Variants in COP1 observed in about 807,000 individuals in gnomAD.
COP1 encodes the protein COP1 E3 ubiquitin ligase.
In COP1, 24 loss-of-function variants were observed where a neutral mutation model predicts 101.3. That is an observed-to-expected ratio of 0.24 (90% CI 0.17 to 0.33). COP1 has a LOEUF of 0.33. Among genes scored for constraint, COP1 ranks in the 10% least tolerant of loss-of-function variants. The pLI is 1.00. For missense variants in COP1, 663 were observed against 906.2 expected (o/e 0.73, Z 3.45); for synonymous variants, 347 against 341.9 (o/e 1.01, Z -0.17).
Position 176,137,394 on chromosome 1 carries a change from TGA to T in COP1, c.832-849_832-848del, listed in dbSNP as rs1689973602. On this transcript the variant is annotated intron_variant, in intron 6 of 19. Transcript: ENST00000367669. ...ATTAAAAGATTACTTCAGATTTTAT[TGA>T]GAGTATTAAAAATAAAATTATTCAA... Among the ~76,000 whole-genome samples, 6 of 152,286 alleles carry T rather than the reference TGA, an allele frequency of 3.9e-5. No individual in the cohort carries two copies. In the South Asian group the frequency reaches 1.2e-3, roughly 32 times the overall value.
At chr1:175,968,539 T>C (rs750947951) in intron 18 of COP1, 7 of 515,926 alleles carry the variant, frequency 1.4e-5, no homozygotes, top group South Asian at 8.5e-5. Context: ...GCAGCTTCCA[T>C]TTCTGGTGTG....
intron 15 of COP1, among the ~76,000 whole-genome samples, chr1:175,992,978 A>T (rs1047361475): frequency 6.6e-6 from 1 of 152,192 alleles, no homozygotes; most frequent in African/African-American, 2.4e-5. Flanking sequence ...AAGCAGCCTA[A>T]CTAGGAGGCA....
At chr1:175,952,398 G>A (rs1650057232) in intron 18 of COP1, among the ~76,000 whole-genome samples, 1 of 147,142 alleles carries the variant, frequency 6.8e-6, no homozygotes, top group South Asian at 2.3e-4. Flanking sequence ...CTCCATCCTG[G>A]GCGACAAGAG....
At chr1:176,167,394 G>A (rs1016853430) in intron 3 of COP1, among the ~76,000 whole-genome samples, 2 of 150,252 alleles carry the variant, frequency 1.3e-5, no homozygotes, top group African/African-American at 5.0e-5. Context: ...CATAGTAGGC[G>A]CCTGGTATTT....
intron 6 of COP1, among the ~76,000 whole-genome samples, chr1:176,147,300 A>G (rs1369032530): frequency 6.6e-6 from 1 of 152,224 alleles, no homozygotes. Flanking sequence ...AAAGCTTATT[A>G]TAATTACAAA....
At chr1:176,026,720 T>G (rs1445028742) in intron 15 of COP1, among the ~76,000 whole-genome samples, 1 of 152,124 alleles carries the variant, frequency 6.6e-6, no homozygotes, top group Admixed American at 6.5e-5. Flanking sequence ...TGCATTTCCT[T>G]TTTTTAAAAG....
intron 8 of COP1, among the ~76,000 whole-genome samples, chr1:176,124,579 A>G (rs1292519102): frequency 5.9e-5 from 9 of 152,068 alleles, no homozygotes; most frequent in Admixed American, 5.2e-4. Context: ...AGTTCTATCC[A>G]TGTTGTTGCA....
intron 4 of COP1, among the ~76,000 whole-genome samples, chr1:176,163,426 G>A (rs545817770): frequency 6.6e-6 from 1 of 152,234 alleles, no homozygotes; most frequent in East Asian, 1.9e-4. Flanking sequence ...TCGCTATGTT[G>A]CCCAAGCTAG....
Position 176,081,294 on chromosome 1 carries a change from G to GAAAAA in COP1, c.1142-12_1142-8dup. On this transcript the variant is annotated splice_region_variant and splice_polypyrimidine_tract_variant and intron_variant, in intron 10 of 19. Coordinates refer to ENST00000367669, the MANE Select transcript of COP1 (RefSeq NM_022457.7). ...CTTGCAGTTCGACTGTCATCTATAT[G>GAAAAA]AAAAAAAAAAAAAAAAGACAAAACA... 7.8e-7 allele frequency: 1 copy of GAAAAA among 1,283,230 alleles called. No homozygotes were observed. Among genetic ancestry groups the GAAAAA allele is most frequent in the Non-Finnish European group, 1.0e-6 (1 of 976,828 alleles). 79.5% of individuals were successfully genotyped at this position (1,283,230 alleles called of 1,614,324 possible). A position where few individuals can be genotyped will look rare whatever the true frequency, so the allele number is the denominator to read the frequency against.
chr1:176,179,768 A>T (rs1697487923), intron 2 of COP1, among the ~76,000 whole-genome samples: 1 of 152,182 alleles, frequency 6.6e-6, no homozygotes, highest in East Asian at 1.9e-4. Context: ...GTCAATATAC[A>T]AGAAATTATT....
intron 5 of COP1, among the ~76,000 whole-genome samples, chr1:176,161,063 T>C (rs1694239264): frequency 6.6e-6 from 1 of 152,196 alleles, no homozygotes; most frequent in African/African-American, 2.4e-5. Flanking sequence ...TGCTCCACAA[T>C]ATAAATAGGG....
chr1:176,169,602 C>T (rs1270138851), intron 3 of COP1, among the ~76,000 whole-genome samples: 2 of 152,076 alleles, frequency 1.3e-5, no homozygotes, highest in Non-Finnish European at 2.9e-5. Context: ...TTAATATATA[C>T]GTTTATTAAA....
chr1:176,178,276 T>C lies in COP1; in HGVS notation c.468-2269A>G, dbSNP rs148250133. On this transcript the variant is annotated intron_variant, in intron 2 of 19. Transcript: ENST00000367669. ...AGTTAACATTACCAGGAAATATACA[T>C]ACAAAATTTAACTCTTTTTTTAAAT... Among the ~76,000 whole-genome samples, 342 of 151,154 alleles carry C rather than the reference T, an allele frequency of 2.3e-3. 1 individual carries two copies. The highest frequency in any genetic ancestry group is 2.5e-3 in the Non-Finnish European group (171 of 67,874).
In COP1 at chr1:176,003,712, T is replaced by C. The variant is rs1418289448; in HGVS notation, c.1730-14233A>G. ...TCTGTTCTGTTCCATTGATCTATAT[T>C]TCTGTTTTGGTACCAGTACCATGCT... On this transcript the variant is annotated intron_variant, in intron 15 of 19. Coordinates refer to ENST00000367669, the MANE Select transcript of COP1 (RefSeq NM_022457.7). 4.4e-3 allele frequency among the ~76,000 whole-genome samples: 669 copies of C among 151,744 alleles called. 2 individuals carry two copies. The highest frequency in any genetic ancestry group is 7.4e-3 in the Non-Finnish European group (505 of 67,788).
chr1:176,003,837 C>G (rs1199933492), intron 15 of COP1, among the ~76,000 whole-genome samples: 107 of 151,930 alleles, frequency 7.0e-4, no homozygotes, highest in Non-Finnish European at 1.3e-4. Context: ...GATGTGGGCT[C>G]TTTTTTGGTT....
chr1:176,066,343 T>C (rs1031636477), intron 11 of COP1, among the ~76,000 whole-genome samples: 6 of 152,140 alleles, frequency 3.9e-5, no homozygotes, highest in African/African-American at 1.4e-4. Context: ...TCCTGTCAAT[T>C]TGTTGTCAAC....
chr1:176,086,327 G>A (rs953759935), intron 9 of COP1, among the ~76,000 whole-genome samples: 2 of 148,720 alleles, frequency 1.3e-5, no homozygotes, highest in Non-Finnish European at 3.0e-5. Flanking sequence ...CCAGTTTCTC[G>A]ACATTCTCCT....
intron 5 of COP1, among the ~76,000 whole-genome samples, chr1:176,159,677 T>C (rs911508956): frequency 1.1e-4 from 16 of 152,152 alleles, no homozygotes; most frequent in Non-Finnish European, 2.1e-4. Context: ...AGTAAACAAA[T>C]AGGTATATTT....
intron 3 of COP1, among the ~76,000 whole-genome samples, chr1:176,164,559 G>C (rs2149961861): frequency 6.6e-6 from 1 of 152,224 alleles, no homozygotes; most frequent in East Asian, 1.9e-4. Context: ...GAAAGGAAAG[G>C]ATAGGAGAAA....
Sources: gnomAD v4.1 joint callset for allele counts (sites outside exome capture counted in the v4.1 genomes callset) on GRCh38, gnomAD v4.1.1 for gene constraint, MANE v1.5 for transcripts, NCBI Gene and HGNC (gene_info 2026-07-23, HGNC 2026-07-21) for gene names.